The following FOXN3 variants were observed in gnomAD, a reference collection of about 807,000 sequenced individuals.
FOXN3 encodes forkhead box protein N3.
In FOXN3, 7 loss-of-function variants were observed where a neutral mutation model predicts 38.4. That is an observed-to-expected ratio of 0.18 (90% CI 0.10 to 0.34). FOXN3 has a LOEUF of 0.34. Ranked by LOEUF, FOXN3 falls within the 10% of genes least tolerant of loss-of-function variation. FOXN3 has a pLI of 1.00. For missense variants in FOXN3, 456 were observed against 613.4 expected (o/e 0.74, Z 2.71); for synonymous variants, 230 against 242.2 (o/e 0.95, Z 0.47).
intron 2 of FOXN3, among the ~76,000 whole-genome samples, chr14:89,397,987 C>G (rs1290943622): frequency 6.6e-6 from 1 of 152,200 alleles, no homozygotes; most frequent in Non-Finnish European, 1.5e-5. Context: ...GGGACCTCCT[C>G]TCTCCCTGTC....
chr14:89,544,243 G>A (rs1209771350), intron 1 of FOXN3, among the ~76,000 whole-genome samples: 1 of 151,546 alleles, frequency 6.6e-6, no homozygotes, highest in East Asian at 1.9e-4. Flanking sequence ...GGGTTTCACT[G>A]TGTTAGCCAG....
chr14:89,418,108 TGAGAG>T (rs1891803577), upstream of FOXN3, among the ~76,000 whole-genome samples: 1 of 152,122 alleles, frequency 6.6e-6, no homozygotes, highest in African/African-American at 2.4e-5. Context: ...TGGGAGAGGA[TGAGAG>T]GAGAGAGTCC....
chr14:89,485,099 C>T (rs1376604251), intron 1 of FOXN3, among the ~76,000 whole-genome samples: 1 of 148,258 alleles, frequency 6.7e-6, no homozygotes, highest in Non-Finnish European at 1.5e-5. Context: ...TTACAGTGAG[C>T]AGAGATGGCG....
intron 3 of FOXN3, among the ~76,000 whole-genome samples, chr14:89,317,959 A>C (rs572948906): frequency 3.3e-5 from 5 of 150,068 alleles, no homozygotes; most frequent in Non-Finnish European, 5.9e-5. Flanking sequence ...TCCAAGGTGG[A>C]ACAGTTTCAT....
intron 2 of FOXN3, among the ~76,000 whole-genome samples, chr14:89,370,275 T>C (rs561825208): frequency 6.6e-6 from 1 of 152,268 alleles, no homozygotes; most frequent in South Asian, 2.1e-4. Context: ...GAATTTGAGA[T>C]TATTAAAGCC....
At chr14:89,190,506 GT>G in intron 4 of FOXN3, 2 of 1,361,646 alleles carry the variant, frequency 1.5e-6, no homozygotes, top group Non-Finnish European at 2.1e-6. Flanking sequence ...GTGTGTGTGT[GT>G]TTTTCCCCCT....
chr14:89,280,242 C>A lies in FOXN3; in HGVS notation c.745+708G>T, dbSNP rs537128210. Among the ~76,000 whole-genome samples the A allele has an allele frequency of 2.8e-4, 42 of 152,288 alleles. No individual in the cohort carries two copies. In the South Asian group the frequency reaches 7.0e-3, roughly 26 times the overall value. On this transcript the variant is annotated intron_variant, in intron 4 of 5. Transcript: ENST00000557258. Reference sequence around the variant, plus strand: ...ATTTCTAAAAGGATTAAAAATGAACCTCTTTGCTATTTTTTAAATCATTTA... The same window carrying A: ...ATTTCTAAAAGGATTAAAAATGAACATCTTTGCTATTTTTTAAATCATTTA...
intron 4 of FOXN3, among the ~76,000 whole-genome samples, chr14:89,196,706 C>T (rs1344941828): frequency 6.6e-6 from 1 of 152,172 alleles, no homozygotes; most frequent in African/African-American, 2.4e-5. Context: ...TGATGGGTCC[C>T]TGCCAGGTCT....
intron 1 of FOXN3, chr14:89,576,749 C>T (rs1004386516): frequency 2.0e-5 from 3 of 152,136 alleles, no homozygotes; most frequent in African/African-American, 7.2e-5. Flanking sequence ...GCAAATGGAC[C>T]TCCTCCCGCC....
intron 3 of FOXN3, among the ~76,000 whole-genome samples, chr14:89,297,328 C>T (rs1418131491): frequency 2.0e-5 from 3 of 151,702 alleles, no homozygotes; most frequent in Admixed American, 6.6e-5. Flanking sequence ...TTTGGGAAGC[C>T]GAGGCGGGCG....
At chr14:89,186,661 G>A (rs1887817229) in intron 4 of FOXN3, among the ~76,000 whole-genome samples, 1 of 152,214 alleles carries the variant, frequency 6.6e-6, no homozygotes, top group Non-Finnish European at 1.5e-5. Flanking sequence ...GAGCGCGTGA[G>A]ACATGGTGGC....
intron 5 of FOXN3, among the ~76,000 whole-genome samples, chr14:89,177,772 CTG>C (rs1887561551): frequency 6.6e-6 from 1 of 152,110 alleles, no homozygotes; most frequent in African/African-American, 2.4e-5. Flanking sequence ...ACTTGCAGAA[CTG>C]TGTTCCCTTA....
chr14:89,297,907 C>A (rs1596164133), intron 3 of FOXN3, among the ~76,000 whole-genome samples: 1 of 152,156 alleles, frequency 6.6e-6, no homozygotes, highest in Non-Finnish European at 1.5e-5. Context: ...ACGGCTTGAG[C>A]CCAGGAGTTC....
intron 2 of FOXN3, chr14:89,355,070 C>T (rs1426325976): frequency 6.6e-6 from 1 of 150,862 alleles, no homozygotes; most frequent in Non-Finnish European, 1.5e-5. Flanking sequence ...ATGGATGAGC[C>T]CAAGTTTCTT....
chr14:89,245,460 T>C (rs757835148), intron 4 of FOXN3, among the ~76,000 whole-genome samples: 3 of 135,158 alleles, frequency 2.2e-5, no homozygotes, highest in Non-Finnish European at 4.7e-5. Context: ...TTTAGGTGCT[T>C]CAAAAAGGCA....
At chr14:89,351,464 G>A (rs2140009378) in intron 2 of FOXN3, 1 of 152,336 alleles carries the variant, frequency 6.6e-6, no homozygotes, top group African/African-American at 2.4e-5. Flanking sequence ...CAGCCATTAA[G>A]AGTTGAATCT....
chr14:89,331,227 G>A (rs998729410), intron 3 of FOXN3, among the ~76,000 whole-genome samples: 1 of 152,054 alleles, frequency 6.6e-6, no homozygotes, highest in African/African-American at 2.4e-5. Context: ...CCCAGGCCCT[G>A]GTAACCACTA....
intron 1 of FOXN3, among the ~76,000 whole-genome samples, chr14:89,426,474 G>A (rs1047974953): frequency 3.3e-5 from 5 of 151,796 alleles, no homozygotes; most frequent in African/African-American, 1.2e-4. Flanking sequence ...TGACCCACCC[G>A]CCTCGGCCTC....
chr14:89,339,331 G>A (rs10132937), intron 3 of FOXN3, among the ~76,000 whole-genome samples: 77,519 of 151,956 alleles, frequency 0.51, 21,114 homozygotes, highest in Admixed American at 0.6. Flanking sequence ...GGGACCAGAG[G>A]CTTCAGGTAA....
Sources: allele counts gnomAD v4.1 joint callset (sites outside exome capture counted in the v4.1 genomes callset), GRCh38; gene constraint gnomAD v4.1.1; transcripts MANE v1.5; gene names NCBI Gene and HGNC (gene_info 2026-07-23, HGNC 2026-07-21).